KCNIP4: variants seen among roughly 807,000 people sequenced by gnomAD.
KCNIP4 encodes potassium voltage-gated channel interacting protein 4, also known as Kv channel-interacting protein 4.
In KCNIP4, 12 loss-of-function variants were observed where a neutral mutation model predicts 34.0. The ratio of observed to expected loss-of-function variants is 0.35; its 90% CI spans 0.23 to 0.57. The LOEUF (loss-of-function observed/expected upper bound fraction) is 0.57. Ranked by LOEUF, KCNIP4 falls within the 20% of genes least tolerant of loss-of-function variation. The pLI is 0.83. For synonymous variants in KCNIP4, 124 were observed against 102.2 expected (o/e 1.21, Z -1.29); for missense variants, 238 against 311.7 (o/e 0.76, Z 1.78).
At chr4:20,864,055 T>C (rs911927052) in intron 2 of KCNIP4, among the ~76,000 whole-genome samples, 4 of 150,020 alleles carry the variant, frequency 2.7e-5, no homozygotes, top group Non-Finnish European at 5.9e-5. Context: ...CATGTATGTA[T>C]ACACATGTAT....
intron 1 of KCNIP4, among the ~76,000 whole-genome samples, chr4:21,285,769 A>G (rs983592687): frequency 1.3e-5 from 2 of 152,134 alleles, no homozygotes; most frequent in Non-Finnish European, 2.9e-5. Flanking sequence ...TGAACCCAGG[A>G]GGCAGAGGTT....
intron 1 of KCNIP4, among the ~76,000 whole-genome samples, chr4:21,099,606 T>C (rs553159752): frequency 6.6e-6 from 1 of 151,862 alleles, no homozygotes; most frequent in Non-Finnish European, 1.5e-5. Context: ...ACATATACCA[T>C]GGAACTTAAA....
intron 1 of KCNIP4, among the ~76,000 whole-genome samples, chr4:21,475,046 A>G (rs1363270072): frequency 2.6e-5 from 4 of 151,540 alleles, no homozygotes; most frequent in Non-Finnish European, 5.9e-5. Flanking sequence ...TAATTAATTA[A>G]AATAAAAATA....
chr4:21,680,058 T>TA lies in KCNIP4; in HGVS notation c.61+268512dup, dbSNP rs1252493505. On this transcript the variant is annotated intron_variant, in intron 1 of 8. Transcript: ENST00000382152. ...TTGATTGACTCTTTCATCAAGGACTTAACTGAAGCATCTGATGCTGTTTGA... is the reference window on the plus strand; with the variant it reads ...TTGATTGACTCTTTCATCAAGGACTTAAACTGAAGCATCTGATGCTGTTTGA... Among the ~76,000 whole-genome samples the TA allele has an allele frequency of 2.0e-5, 3 of 152,354 alleles. No homozygotes were observed. In the East Asian group the frequency reaches 5.8e-4, roughly 29 times the overall value.
chr4:20,734,986 C>A (rs1157476733), intron 5 of KCNIP4, among the ~76,000 whole-genome samples: 2 of 152,104 alleles, frequency 1.3e-5, no homozygotes, highest in Admixed American at 1.3e-4. Context: ...CCAGTGCGTA[C>A]CCACACAGCT....
chr4:20,783,766 CAG>C (rs921197336), intron 3 of KCNIP4, among the ~76,000 whole-genome samples: 1 of 152,028 alleles, frequency 6.6e-6, no homozygotes, highest in Non-Finnish European at 1.5e-5. Flanking sequence ...TAAGGATAAA[CAG>C]GGAATATAAA....
chr4:21,311,916 T>A (rs1424673586), intron 1 of KCNIP4, among the ~76,000 whole-genome samples: 1 of 152,152 alleles, frequency 6.6e-6, no homozygotes, highest in African/African-American at 2.4e-5. Flanking sequence ...ATTTGACTGC[T>A]TCATAAGTCT....
chr4:21,459,988 C>A (rs1254337290), intron 1 of KCNIP4, among the ~76,000 whole-genome samples: 4 of 151,888 alleles, frequency 2.6e-5, no homozygotes, highest in Non-Finnish European at 5.9e-5. Context: ...TGATCCTGTG[C>A]AAACGCAAAT....
chr4:21,467,115 C>T, intron 1 of KCNIP4, among the ~76,000 whole-genome samples: 1 of 119,532 alleles, frequency 8.4e-6, no homozygotes, highest in African/African-American at 3.1e-5. Context: ...CACACACACA[C>T]ACAAAACAGA....
intron 1 of KCNIP4, among the ~76,000 whole-genome samples, chr4:21,294,975 C>A (rs940299278): frequency 6.6e-6 from 1 of 152,184 alleles, no homozygotes; most frequent in African/African-American, 2.4e-5. Flanking sequence ...TCTACTGTCA[C>A]AATATTCTCA....
At chr4:21,427,801 C>A (rs1227985624) in intron 1 of KCNIP4, among the ~76,000 whole-genome samples, 2 of 152,140 alleles carry the variant, frequency 1.3e-5, no homozygotes, top group African/African-American at 4.8e-5. Flanking sequence ...AGTTAGCCGT[C>A]CTCTTTTTCA....
At chr4:21,134,803 C>A (rs1315138900) in intron 1 of KCNIP4, among the ~76,000 whole-genome samples, 1 of 152,188 alleles carries the variant, frequency 6.6e-6, no homozygotes, top group Admixed American at 6.5e-5. Context: ...CTTTAACTGT[C>A]TTTTACCTTA....
chr4:21,098,708 T>C (rs903631950), intron 1 of KCNIP4, among the ~76,000 whole-genome samples: 6 of 152,202 alleles, frequency 3.9e-5, no homozygotes, highest in Admixed American at 2.6e-4. Flanking sequence ...GATGAAAACA[T>C]ATAAGGAGAT....
intron 1 of KCNIP4, among the ~76,000 whole-genome samples, chr4:21,739,775 C>T (rs997849836): frequency 6.6e-6 from 1 of 152,016 alleles, no homozygotes; most frequent in African/African-American, 2.4e-5. Context: ...GAAGTACATC[C>T]TTTATGTCAC....
chr4:21,142,360 C>T (rs1752034132), intron 1 of KCNIP4, among the ~76,000 whole-genome samples: 1 of 151,988 alleles, frequency 6.6e-6, no homozygotes, highest in Non-Finnish European at 1.5e-5. Flanking sequence ...AATTGGCTAG[C>T]TTTGGGAATA....
At chr4:21,401,667 T>C (rs1356949762) in intron 1 of KCNIP4, among the ~76,000 whole-genome samples, 1 of 152,254 alleles carries the variant, frequency 6.6e-6, no homozygotes, top group Non-Finnish European at 1.5e-5. Flanking sequence ...GAGTATCCCA[T>C]CTGCAATGAG....
chr4:21,833,664 C>T (rs892594621), intron 1 of KCNIP4, among the ~76,000 whole-genome samples: 2 of 152,126 alleles, frequency 1.3e-5, no homozygotes, highest in East Asian at 1.9e-4. Context: ...GAAGTCCTTG[C>T]CCATGCCTAT....
At chr4:20,832,826 A>AGAAGGAAAG (rs3077701) in intron 3 of KCNIP4, among the ~76,000 whole-genome samples, 54,611 of 151,624 alleles carry the variant, frequency 0.36, 10,799 homozygotes, top group Non-Finnish European at 0.45. Context: ...TTTGAATGAC[A>AGAAGGAAAG]GAAGGGATTT....
At chr4:20,967,254 T>G (rs528913778) in intron 1 of KCNIP4, among the ~76,000 whole-genome samples, 1 of 152,252 alleles carries the variant, frequency 6.6e-6, no homozygotes, top group African/African-American at 2.4e-5. Flanking sequence ...AACATGGGCC[T>G]GCCTCTTATG....
Sources: gnomAD v4.1 joint callset for allele counts (sites outside exome capture counted in the v4.1 genomes callset) on GRCh38, gnomAD v4.1.1 for gene constraint, MANE v1.5 for transcripts, NCBI Gene and HGNC (gene_info 2026-07-23, HGNC 2026-07-21) for gene names.